The following ANKRD44 variants were observed in gnomAD, a reference collection of about 807,000 sequenced individuals.
ANKRD44 encodes the protein ankyrin repeat domain 44.
A neutral mutation model predicts 116.0 loss-of-function variants in ANKRD44; 35 were observed. The ratio of observed to expected loss-of-function variants is 0.30; its 90% CI spans 0.23 to 0.40. ANKRD44 has a LOEUF of 0.40. ANKRD44 is among the 10% of genes least tolerant of loss of function. The probability of loss-of-function intolerance (pLI) is 1.00; values close to 1 mark genes in which losing one functional copy is unlikely to be tolerated. For missense variants in ANKRD44, 1,014 were observed against 1,242.6 expected (o/e 0.82, Z 2.77); for synonymous variants, 435 against 461.8 (o/e 0.94, Z 0.74).
At chr2:197,170,181 C>A (rs1227094181) in intron 2 of ANKRD44, among the ~76,000 whole-genome samples, 2 of 85,828 alleles carry the variant, frequency 2.3e-5, no homozygotes, top group Admixed American at 1.6e-4. Context: ...TAGAACAAGA[C>A]CCTGTTTCCA....
At chr2:197,248,384 T>C (rs1385093864) in intron 1 of ANKRD44, among the ~76,000 whole-genome samples, 1 of 151,994 alleles carries the variant, frequency 6.6e-6, no homozygotes, top group East Asian at 1.9e-4. Flanking sequence ...GACTAGAGCC[T>C]GCTGGCCCAC....
chr2:197,074,327 G>T (rs1367398771), intron 16 of ANKRD44, among the ~76,000 whole-genome samples: 1 of 152,184 alleles, frequency 6.6e-6, no homozygotes, highest in Non-Finnish European at 1.5e-5. Context: ...AATCATCAGA[G>T]ACTTGTTTGG....
At chr2:197,008,868 G>C in intron 19 of ANKRD44, 76 bp downstream of exon 19, 1 of 1,295,972 alleles carries the variant, frequency 7.7e-7, no homozygotes, top group South Asian at 1.2e-5. Flanking sequence ...AGTCAGCCTT[G>C]TAATGATTTA....
intron 16 of ANKRD44, among the ~76,000 whole-genome samples, chr2:197,028,055 C>A (rs2076631216): frequency 6.6e-6 from 1 of 151,722 alleles, no homozygotes; most frequent in African/African-American, 2.4e-5. Flanking sequence ...CTGTGTTTAG[C>A]AAAATGGAGG....
At chr2:197,021,268 G>C (rs965896918) in intron 17 of ANKRD44, among the ~76,000 whole-genome samples, 5 of 152,204 alleles carry the variant, frequency 3.3e-5, no homozygotes, top group African/African-American at 1.2e-4. Flanking sequence ...ACATGTGCAT[G>C]TGTCTTTCTA....
intron 17 of ANKRD44, among the ~76,000 whole-genome samples, chr2:197,019,066 G>T (rs1485748807): frequency 1.3e-5 from 2 of 152,044 alleles, no homozygotes; most frequent in African/African-American, 4.8e-5. Flanking sequence ...AAATTCTCTT[G>T]TCTCTATGTG....
chr2:197,221,918 C>T (rs760893149), intron 1 of ANKRD44, among the ~76,000 whole-genome samples: 4 of 152,180 alleles, frequency 2.6e-5, no homozygotes, highest in Non-Finnish European at 4.4e-5. Flanking sequence ...GCTCTTCCCC[C>T]TCTTGGGTCA....
At chr2:197,197,885 TGTCAGA>T (rs1204735885) in intron 1 of ANKRD44, 1 of 150,590 alleles carries the variant, frequency 6.6e-6, no homozygotes, top group Non-Finnish European at 1.5e-5. Context: ...GACACTGGAA[TGTCAGA>T]GTCAGTCTCT....
intron 9 of ANKRD44, among the ~76,000 whole-genome samples, chr2:197,108,120 G>T (rs936516008): frequency 6.6e-6 from 1 of 152,106 alleles, no homozygotes; most frequent in African/African-American, 2.4e-5. Flanking sequence ...GTTTATAAGC[G>T]TGGTGGTTGA....
chr2:197,225,443 A>C (rs947513891), intron 1 of ANKRD44, among the ~76,000 whole-genome samples: 2 of 152,170 alleles, frequency 1.3e-5, no homozygotes, highest in Non-Finnish European at 2.9e-5. Context: ...TCCCAGGTTC[A>C]AGGGATTCTC....
chr2:197,030,674 A>T (rs1198747577), intron 16 of ANKRD44, among the ~76,000 whole-genome samples: 9 of 151,968 alleles, frequency 5.9e-5, no homozygotes, highest in Admixed American at 5.9e-4. Context: ...CCTAAAGGCC[A>T]CTCTTTTAGA....
intron 16 of ANKRD44, among the ~76,000 whole-genome samples, chr2:197,073,246 C>A (rs78478634): frequency 0.04 from 6,129 of 152,294 alleles, 159 homozygotes; most frequent in Middle Eastern, 0.082. Flanking sequence ...TTGTCCCTCT[C>A]TTAGATGCTG....
intron 1 of ANKRD44, among the ~76,000 whole-genome samples, chr2:197,197,412 G>T (rs1574253298): frequency 6.6e-6 from 1 of 152,170 alleles, no homozygotes; most frequent in Non-Finnish European, 1.5e-5. Context: ...TCCAACAGGG[G>T]ATAAAAGATA....
intron 27 of ANKRD44, chr2:196,989,975 G>A: frequency 9.6e-7 from 1 of 1,037,684 alleles, no homozygotes; most frequent in Non-Finnish European, 1.2e-6. Flanking sequence ...AATGTTATTA[G>A]ATAAATTTGG....
At chr2:196,970,200 T>G (rs1574202351) in intron 21 of ANKRD44, among the ~76,000 whole-genome samples, 1 of 152,218 alleles carries the variant, frequency 6.6e-6, no homozygotes, top group Non-Finnish European at 1.5e-5. Context: ...ATTCTTCTTA[T>G]GATGGAAGGA....
chr2:197,025,608 G>T (rs1052339316), intron 16 of ANKRD44, among the ~76,000 whole-genome samples: 34 of 152,304 alleles, frequency 2.2e-4, no homozygotes, highest in Admixed American at 1.8e-3. Flanking sequence ...CTGCTCTCAT[G>T]AAGCTTACAT....
chr2:196,988,630 A>G lies in ANKRD44; in HGVS notation c.*961T>C, dbSNP rs2075866112. The G allele has an allele frequency of 2.0e-6, 2 of 984,964 alleles. No homozygotes were observed. Among genetic ancestry groups the G allele is most frequent in the African/African-American group, 3.5e-5 (2 of 57,238 alleles). The allele number at this position is 984,964 out of a possible 1,614,324, so 61.0% of individuals were successfully genotyped here. On this transcript the variant is annotated 3_prime_UTR_variant, in exon 28 of 28. Transcript: ENST00000282272. ...GTCTTTGATCCAGATATGATAGAAC[A>G]TTATTTTTGAAATATCTCACATACA...
chr2:196,973,965 T>C (rs533440606), intron 21 of ANKRD44, among the ~76,000 whole-genome samples: 20 of 152,292 alleles, frequency 1.3e-4, no homozygotes, highest in African/African-American at 4.6e-4. Context: ...TGATAAACTT[T>C]AAAGTATTGA....
intron 1 of ANKRD44, among the ~76,000 whole-genome samples, chr2:197,189,878 G>A (rs1308424306): frequency 6.6e-6 from 1 of 152,182 alleles, no homozygotes; most frequent in Admixed American, 6.5e-5. Flanking sequence ...CCAGTTGCGA[G>A]TGTACGGAAT....
Sources: allele counts gnomAD v4.1 joint callset (sites outside exome capture counted in the v4.1 genomes callset), GRCh38; gene constraint gnomAD v4.1.1; transcripts MANE v1.5; gene names NCBI Gene and HGNC (gene_info 2026-07-23, HGNC 2026-07-21).